Variants in MATR3 observed in about 807,000 individuals in gnomAD.
The protein encoded by MATR3 is matrin 3.
MATR3 carries 4 observed loss-of-function variants against 85.5 expected under a neutral mutation model. The ratio of observed to expected loss-of-function variants is 0.05; its 90% CI spans 0.02 to 0.11. The LOEUF (loss-of-function observed/expected upper bound fraction) is 0.11. Ranked by LOEUF, MATR3 falls within the 10% of genes least tolerant of loss-of-function variation. The pLI, the probability that MATR3 is intolerant of heterozygous loss-of-function variation, is 1.00. For missense variants in MATR3, 685 were observed against 1,016.1 expected (o/e 0.67, Z 4.43); for synonymous variants, 336 against 343.1 (o/e 0.98, Z 0.23).
chr5:139,292,576 T>C (rs1039858019), upstream of MATR3, among the ~76,000 whole-genome samples: 10 of 152,176 alleles, frequency 6.6e-5, no homozygotes, highest in Non-Finnish European at 1.5e-4. Flanking sequence ...AAGAGTGTAT[T>C]GCATTCAGTC....
intron 1 of MATR3, among the ~76,000 whole-genome samples, chr5:139,296,555 CTG>C (rs1169971890): frequency 1.4e-4 from 22 of 152,132 alleles, no homozygotes; most frequent in Non-Finnish European, 1.2e-4. Context: ...TTAGAGTCCT[CTG>C]TATTTTTAAG....
chr5:139,321,812 T>C, intron 9 of MATR3, 86 bp from the exon 10 acceptor site: 1 of 1,389,994 alleles, frequency 7.2e-7, no homozygotes, highest in Non-Finnish European at 9.9e-7. Flanking sequence ...GAAAATTTTC[T>C]AACCAGTAGG....
chr5:139,276,910 T>C (rs1331498664), intron 2 of MATR3, among the ~76,000 whole-genome samples: 1 of 152,204 alleles, frequency 6.6e-6, no homozygotes, highest in Non-Finnish European at 1.5e-5. Context: ...TAATAAAATA[T>C]TAAAATATTG....
At chr5:139,309,765 A>G (rs1199467287) in intron 2 of MATR3, among the ~76,000 whole-genome samples, 4 of 152,104 alleles carry the variant, frequency 2.6e-5, no homozygotes, top group Non-Finnish European at 4.4e-5. Flanking sequence ...AATTCATTTT[A>G]GTTTCTGATC....
At position 139,325,520 on chromosome 5, in the gene MATR3, A is replaced by G. The variant is rs746175684; in HGVS notation, c.2229A>G (p.Pro743=). 2 of 1,614,234 alleles carry G rather than the reference A, an allele frequency of 1.2e-6. No homozygotes were observed. Among genetic ancestry groups the G allele is most frequent in the East Asian group, 2.2e-5 (1 of 44,890 alleles). ...NGIKNEENTE[P]GAESSENADD... is the part of the protein sequence containing the mutation. ...TTAAAAATGAGGAAAACACAGAACC[A>G]GGTGCTGAATCTTCTGAGAACGCTG... Residue 743 remains proline, a synonymous_variant, in exon 13 of 15, where the codon CCA becomes CCG. Transcript: ENST00000394805.
chr5:139,324,634 G>T (rs1280491920), intron 12 of MATR3, among the ~76,000 whole-genome samples: 1 of 152,020 alleles, frequency 6.6e-6, no homozygotes, highest in Non-Finnish European at 1.5e-5. Flanking sequence ...TTGAGTATTT[G>T]CTCTAAAGAG....
upstream of MATR3, among the ~76,000 whole-genome samples, chr5:139,290,438 CTTTT>C (rs762364450): frequency 1.0e-3 from 45 of 44,976 alleles, no homozygotes; most frequent in East Asian, 0.012. Flanking sequence ...CCTGGCCGCT[CTTTT>C]TTTTTTTTTT....
chr5:139,315,814 A>C, intron 4 of MATR3, 76 bp downstream of exon 4: 20 of 1,203,290 alleles, frequency 1.7e-5, no homozygotes, highest in Non-Finnish European at 2.2e-5. Flanking sequence ...TCAACATTTC[A>C]TAAACAAAGT....
At position 139,329,997 on chromosome 5, in the gene MATR3, T is replaced by C. The variant is rs553296428; in HGVS notation, c.*602T>C. 61 of 452,968 alleles carry C rather than the reference T, an allele frequency of 1.3e-4. No homozygotes were observed. Among genetic ancestry groups the C allele is most frequent in the African/African-American group, 1.0e-3 (51 of 49,998 alleles). 28.1% of individuals were successfully genotyped at this position (452,968 alleles called of 1,614,324 possible). A position where few individuals can be genotyped will look rare whatever the true frequency, so the allele number is the denominator to read the frequency against. On this transcript the variant is annotated 3_prime_UTR_variant, in exon 15 of 15. Transcript: ENST00000394805. ...TTGGCTTTAGATTTTGTAATTTTTT[T>C]CCCTGAGTTCCTGCTAGATTTCGTA...
chr5:139,290,466 T>TTTTTTTTTTTTTA (rs1753837965), upstream of MATR3, among the ~76,000 whole-genome samples: 1 of 140,908 alleles, frequency 7.1e-6, no homozygotes, highest in Non-Finnish European at 1.5e-5. Context: ...TTTTTTTTTT[T>TTTTTTTTTTTTTA]AACAGGGTCC....
At chr5:139,292,432 C>T (rs900515567), upstream of MATR3, among the ~76,000 whole-genome samples, 20 of 152,268 alleles carry the variant, frequency 1.3e-4, no homozygotes, top group African/African-American at 4.6e-4. Context: ...CCCAACTCTC[C>T]AGATGCGGAG....
At chr5:139,327,736 T>C (rs555287294) in intron 14 of MATR3, among the ~76,000 whole-genome samples, 1 of 152,300 alleles carries the variant, frequency 6.6e-6, no homozygotes, top group South Asian at 2.1e-4. Context: ...CAAATATTTT[T>C]ATCTGCTTTG....
intron 6 of MATR3, 151 bp from the exon 7 acceptor site, chr5:139,317,445 A>T: frequency 1.3e-6 from 1 of 777,320 alleles, no homozygotes; most frequent in Non-Finnish European, 2.1e-6. Flanking sequence ...GTGACGTTTG[A>T]TATGTAGCTT....
chr5:139,286,401 A>C (rs560209416), intron 3 of MATR3, among the ~76,000 whole-genome samples: 1 of 151,710 alleles, frequency 6.6e-6, no homozygotes, highest in Non-Finnish European at 1.5e-5. Context: ...GCTGGTCTCG[A>C]ACTGCCCTCA....
Position 139,316,169 on chromosome 5 carries a change from T to A in MATR3, c.1110T>A (p.Val370=). Residue 370 remains valine, a synonymous_variant, in exon 5 of 15, where the codon GTT becomes GTA. Coordinates refer to ENST00000394805, the MANE Select transcript of MATR3 (RefSeq NM_018834.6). ...CATTTCATCTTGGGGGACCAGCAGT[T>A]GGACCAAGAGGAAATCTGGGTAATT... is the stretch of plus-strand genomic sequence containing the variant. ...PPSFHLGGPA[V]GPRGNLGAGN... 1 of 1,613,400 alleles carries A rather than the reference T, an allele frequency of 6.2e-7. No individual in the cohort carries two copies. The highest frequency in any genetic ancestry group is 8.5e-7 in the Non-Finnish European group (1 of 1,179,450).
At chr5:139,285,338 A>AT (rs1234738291) in intron 3 of MATR3, 1 of 152,188 alleles carries the variant, frequency 6.6e-6, no homozygotes, top group African/African-American at 2.4e-5. Context: ...AGTCTTTTAG[A>AT]TTTTTAAAAA....
At chr5:139,316,886 G>A (rs891727604) in intron 5 of MATR3, among the ~76,000 whole-genome samples, 167 bp from the exon 6 acceptor site, 1 of 152,100 alleles carries the variant, frequency 6.6e-6, no homozygotes, top group African/African-American at 2.4e-5. Context: ...GGTGAAAGAA[G>A]GCTCATTCAA....
At chr5:139,300,132 A>G (rs376980431) in intron 1 of MATR3, among the ~76,000 whole-genome samples, 2 of 152,210 alleles carry the variant, frequency 1.3e-5, no homozygotes, top group East Asian at 1.9e-4. Flanking sequence ...TGGGAGGCCA[A>G]GGTGGGTGAA....
At chr5:139,298,431 T>G (rs996724209) in intron 1 of MATR3, among the ~76,000 whole-genome samples, 1 of 151,828 alleles carries the variant, frequency 6.6e-6, no homozygotes, top group Non-Finnish European at 1.5e-5. Flanking sequence ...AATTAGCGGG[T>G]CGTGATGGCG....
Sources: allele counts gnomAD v4.1 joint callset (sites outside exome capture counted in the v4.1 genomes callset), GRCh38; gene constraint gnomAD v4.1.1; transcripts MANE v1.5; gene names NCBI Gene and HGNC (gene_info 2026-07-23, HGNC 2026-07-21).